MRTFB: variants seen among roughly 807,000 people sequenced by gnomAD.
MRTFB encodes the protein myocardin related transcription factor B, also known as myocardin-related transcription factor B.
A neutral mutation model predicts 104.2 loss-of-function variants in MRTFB; 29 were observed. The ratio of observed to expected loss-of-function variants is 0.28; its 90% CI spans 0.21 to 0.38. The LOEUF (loss-of-function observed/expected upper bound fraction) is 0.38, where lower values mean the gene tolerates loss of function less well. Ranked by LOEUF, MRTFB falls within the 10% of genes least tolerant of loss-of-function variation. The pLI, the probability that MRTFB is intolerant of heterozygous loss-of-function variation, is 1.00. For synonymous variants in MRTFB, 535 were observed against 519.5 expected (o/e 1.03, Z -0.41); for missense variants, 1,270 against 1,341.6 (o/e 0.95, Z 0.83).
At chr16:14,063,180 A>G in the MRTFB span, among the ~76,000 whole-genome samples, 1 of 152,176 alleles carries the variant, frequency 6.6e-6, no homozygotes, top group African/African-American at 2.4e-5. Flanking sequence ...AGATTGACCA[A>G]CAGGAACGAT....
intron 2 of MRTFB, among the ~76,000 whole-genome samples, chr16:14,105,195 A>G (rs975844207): frequency 2.6e-5 from 4 of 152,222 alleles, no homozygotes; most frequent in African/African-American, 9.6e-5. Context: ...CTGAGCTGAT[A>G]GAGGCCTTGG....
intron 3 of MRTFB, among the ~76,000 whole-genome samples, chr16:14,167,994 C>T (rs1337916746): frequency 6.6e-6 from 1 of 152,092 alleles, no homozygotes; most frequent in Non-Finnish European, 1.5e-5. Context: ...GCCAATCTAT[C>T]TTGAGTTAAT....
intron 3 of MRTFB, among the ~76,000 whole-genome samples, chr16:14,171,722 C>T (rs2039429443): frequency 1.3e-5 from 2 of 152,122 alleles, no homozygotes; most frequent in South Asian, 4.1e-4. Context: ...TTCTAGAATA[C>T]ACATAAAGTA....
chr16:14,200,309 C>G, intron 3 of MRTFB: 1 of 1,605,802 alleles, frequency 6.2e-7, no homozygotes, highest in Non-Finnish European at 8.5e-7. Flanking sequence ...GACCCGTACG[C>G]TGCTGCGCTG....
intron 3 of MRTFB, among the ~76,000 whole-genome samples, chr16:14,203,303 G>A (rs2040794209): frequency 6.6e-6 from 1 of 151,818 alleles, no homozygotes; most frequent in South Asian, 2.1e-4. Context: ...CTGAAATCCA[G>A]CTGTTCGTAA....
Position 14,247,137 on chromosome 16 carries a change from A to T in MRTFB, c.1877A>T (p.Lys626Met). ...CCCAGTGCCCCAGGTCATTCTGTCA[A>T]GTCAGATCAGAAGCACGGCAGCCTT... ...AQPSAPGHSV[K>M]SDQKHGSLGS... Residue 626 changes from lysine (K) to methionine (M), a missense_variant, in exon 12 of 17, where the codon AAG becomes ATG. Physicochemically the swap from Lys to Met is moderately conservative, Grantham distance 95. Around this residue, in one of 3 missense-constraint regions of MRTFB, gnomAD observed 1,144 missense variants for 1,131.5 expected, o/e 1.01. Coordinates refer to ENST00000571589, the MANE Select transcript of MRTFB (RefSeq NM_001308142.2). 2.5e-6 allele frequency: 4 copies of T among 1,614,182 alleles called. No individual in the cohort carries two copies. Among genetic ancestry groups the T allele is most frequent in the Non-Finnish European group, 3.4e-6 (4 of 1,180,040 alleles).
intron 3 of MRTFB, among the ~76,000 whole-genome samples, chr16:14,193,518 A>G (rs1477814006): frequency 6.6e-6 from 1 of 151,962 alleles, no homozygotes; most frequent in Non-Finnish European, 1.5e-5. Flanking sequence ...TCCCTCCTCA[A>G]ACTGACTTAG....
At chr16:14,114,271 A>G (rs890966783) in intron 2 of MRTFB, among the ~76,000 whole-genome samples, 4 of 152,190 alleles carry the variant, frequency 2.6e-5, no homozygotes, top group Admixed American at 2.6e-4. Flanking sequence ...CTGATGACCT[A>G]ATTTTTTATT....
At chr16:14,103,088 TC>T (rs2035783720) in intron 2 of MRTFB, among the ~76,000 whole-genome samples, 1 of 152,204 alleles carries the variant, frequency 6.6e-6, no homozygotes, top group African/African-American at 2.4e-5. Context: ...CCTTTGCTGA[TC>T]CTTGGCCAGT....
intron 10 of MRTFB, 85 bp downstream of exon 10, chr16:14,240,569 G>A: frequency 6.3e-7 from 1 of 1,596,030 alleles, no homozygotes; most frequent in Non-Finnish European, 8.6e-7. Flanking sequence ...GTTGAATGTT[G>A]TCATTTATTT....
In MRTFB at chr16:14,217,343, G is replaced by A. The variant is rs2041471975; in HGVS notation, c.514+56G>A. On this transcript the variant is annotated intron_variant, in intron 7 of 16. Transcript: ENST00000571589. Reference sequence around the variant, plus strand: ...GAGAAAGAGAAACTTGGAAATTTTAGATAAAACAAATATAATTTAAAGGCT... The same window carrying A: ...GAGAAAGAGAAACTTGGAAATTTTAAATAAAACAAATATAATTTAAAGGCT... 3 of 1,475,646 alleles carry A rather than the reference G, an allele frequency of 2.0e-6. No homozygotes were observed. In the Admixed American group the frequency reaches 6.4e-5, roughly 31 times the overall value. 91.4% of individuals were successfully genotyped at this position (1,475,646 alleles called of 1,614,324 possible).
chr16:14,134,480 A>G (rs1402890147), intron 2 of MRTFB, among the ~76,000 whole-genome samples: 2 of 152,228 alleles, frequency 1.3e-5, no homozygotes, highest in East Asian at 3.8e-4. Context: ...AAAATGGAAC[A>G]AGAGGAGAGG....
At chr16:14,145,760 G>A (rs766047426) in intron 3 of MRTFB, among the ~76,000 whole-genome samples, 8 of 152,164 alleles carry the variant, frequency 5.3e-5, no homozygotes, top group African/African-American at 1.2e-4. Flanking sequence ...TTAAATACAC[G>A]TTAGATCCAT....
chr16:14,164,679 T>A (rs1211445355), intron 3 of MRTFB, among the ~76,000 whole-genome samples: 1 of 152,210 alleles, frequency 6.6e-6, no homozygotes, highest in Non-Finnish European at 1.5e-5. Flanking sequence ...ATTGTCCCAT[T>A]TAATCCTCCC....
chr16:14,243,238 C>T (rs2042854714), intron 10 of MRTFB, among the ~76,000 whole-genome samples: 1 of 152,186 alleles, frequency 6.6e-6, no homozygotes, highest in Non-Finnish European at 1.5e-5. Flanking sequence ...CCAAAGATTT[C>T]AATTATTTAA....
chr16:14,254,237 C>T (rs756290616), intron 15 of MRTFB, among the ~76,000 whole-genome samples: 2 of 152,234 alleles, frequency 1.3e-5, no homozygotes, highest in Non-Finnish European at 1.5e-5. Flanking sequence ...TGCAATTCCA[C>T]GAGTGGCTAA....
intron 3 of MRTFB, among the ~76,000 whole-genome samples, chr16:14,166,198 T>G (rs2039230971): frequency 6.6e-6 from 1 of 150,460 alleles, no homozygotes; most frequent in African/African-American, 2.5e-5. Context: ...CTTTTTTGGT[T>G]TTGTGTGGGT....
Position 14,248,773 on chromosome 16 carries a change from C to T in MRTFB, c.2248-153C>T, listed in dbSNP as rs16963586. The stretch of plus-strand genomic sequence containing the variant: ...TCTCTGGTTTAGAATCATTAAAGTT[C>T]AGATTTCTGTGCAGATGAAGTGTGT... On this transcript the variant is annotated intron_variant, in intron 12 of 16. Coordinates refer to ENST00000571589, the MANE Select transcript of MRTFB (RefSeq NM_001308142.2). The T allele has an allele frequency of 8.1e-3, 5,653 of 700,460 alleles. 204 individuals are homozygous for T. The highest frequency in any genetic ancestry group is 0.078 in the African/African-American group (4,294 of 54,814). The allele number at this position is 700,460 out of a possible 1,614,324, so 43.4% of individuals were successfully genotyped here. A position where few individuals can be genotyped will look rare whatever the true frequency, so the allele number is the denominator to read the frequency against.
chr16:14,068,600 G>A (rs544066033), upstream of MRTFB, among the ~76,000 whole-genome samples: 1 of 152,304 alleles, frequency 6.6e-6, no homozygotes, highest in African/African-American at 2.4e-5. Flanking sequence ...GTCGTTGCGT[G>A]TTGCTGTGTG....
Sources: gnomAD v4.1 joint callset for allele counts (sites outside exome capture counted in the v4.1 genomes callset) on GRCh38, gnomAD v4.1.1 for gene constraint, gnomAD v4.1.1 regional missense constraint, MANE v1.5 for transcripts, NCBI Gene and HGNC (gene_info 2026-07-23, HGNC 2026-07-21) for gene names.